Variants in SEMA3A observed in about 807,000 individuals in gnomAD.
The protein encoded by SEMA3A is semaphorin-3A.
Under a neutral mutation model 97.9 loss-of-function variants are expected in SEMA3A, and 29 were observed. The ratio of observed to expected loss-of-function variants is 0.30; its 90% CI spans 0.22 to 0.40. The LOEUF is 0.40. Ranked by LOEUF, SEMA3A falls within the 10% of genes least tolerant of loss-of-function variation. The pLI is 1.00. For missense variants in SEMA3A, 763 were observed against 951.3 expected (o/e 0.80, Z 2.60); for synonymous variants, 321 against 323.7 (o/e 0.99, Z 0.09).
chr7:84,487,200 A>G (rs1014838518), intron 1 of SEMA3A, among the ~76,000 whole-genome samples: 8 of 152,254 alleles, frequency 5.3e-5, no homozygotes, highest in African/African-American at 1.9e-4. Flanking sequence ...AAAAAATATT[A>G]GATTTTGGCT....
chr7:84,448,175 G>A (rs530888642), intron 1 of SEMA3A, among the ~76,000 whole-genome samples: 1 of 152,216 alleles, frequency 6.6e-6, no homozygotes, highest in African/African-American at 2.4e-5. Context: ...TTGGAGGAAG[G>A]AGCCCAGCAG....
chr7:84,484,044 CAAAAAAAAGAAAAA>C (rs934564408), intron 1 of SEMA3A, among the ~76,000 whole-genome samples: 2 of 125,422 alleles, frequency 1.6e-5, no homozygotes, highest in African/African-American at 5.8e-5. Flanking sequence ...AACTCTGTCT[CAAAAAAAAGAAAAA>C]AAAAAAAAGA....
chr7:84,462,878 C>G (rs1429537629), intron 1 of SEMA3A, among the ~76,000 whole-genome samples: 1 of 152,098 alleles, frequency 6.6e-6, no homozygotes, highest in Non-Finnish European at 1.5e-5. Context: ...CTCAAAATAC[C>G]TATGATGGAA....
Position 84,382,702 on chromosome 7 carries a change from CAAAAAAAAAAA to C in SEMA3A, c.-245-10813_-245-10803del, listed in dbSNP as rs377120252. ...TGAAACCCTGTCTCTACTAAAAATC[CAAAAAAAAAAA>C]AAAAAAAAAAAAAAAATAGCCAGGC... On this transcript the variant is annotated intron_variant, in intron 1 of 3. Coordinates refer to the SEMA3A transcript ENST00000424555. Among the ~76,000 whole-genome samples the C allele has an allele frequency of 1.2e-3, 97 of 82,060 alleles. 2 individuals carry two copies. Among genetic ancestry groups the C allele is most frequent in the African/African-American group, 4.2e-3 (92 of 21,688 alleles). The allele number at this position is 82,060 out of a possible 152,430, so 53.8% of individuals were successfully genotyped here.
chr7:84,291,461 A>G (rs1241995805), intron 3 of SEMA3A, among the ~76,000 whole-genome samples: 2 of 152,030 alleles, frequency 1.3e-5, no homozygotes, highest in African/African-American at 4.8e-5. Flanking sequence ...ATTTTACTGA[A>G]TTCCTTTTCC....
intron 1 of SEMA3A, among the ~76,000 whole-genome samples, chr7:84,398,285 T>C (rs1370913674): frequency 1.3e-5 from 2 of 152,190 alleles, no homozygotes; most frequent in Non-Finnish European, 2.9e-5. Flanking sequence ...TCTCAGAACC[T>C]ATATGAGGAG....
chr7:84,466,633 T>C (rs2116400082), intron 1 of SEMA3A, among the ~76,000 whole-genome samples: 1 of 152,336 alleles, frequency 6.6e-6, no homozygotes, highest in East Asian at 1.9e-4. Flanking sequence ...TATTAGCATA[T>C]AAATCTCCAT....
intron 1 of SEMA3A, among the ~76,000 whole-genome samples, chr7:84,463,535 A>G (rs897427980): frequency 6.6e-6 from 1 of 152,024 alleles, no homozygotes; most frequent in Non-Finnish European, 1.5e-5. Flanking sequence ...GGCGTGAGCC[A>G]CCGCGCCTGG....
Position 83,966,868 on chromosome 7 carries a change from C to T in SEMA3A, c.1718-3521G>A, listed in dbSNP as rs766293646. ...CTGGGATTACAGGCATGCGCCACCA[C>T]GCCCAGCTAATTTTGTATTTTTAGT... is the stretch of plus-strand genomic sequence containing the variant. On this transcript the variant is annotated intron_variant, in intron 15 of 16. Transcript: ENST00000265362. Among the ~76,000 whole-genome samples, 8 of 152,192 alleles carry T rather than the reference C, an allele frequency of 5.3e-5. No individual in the cohort carries two copies. In the South Asian group the frequency reaches 8.3e-4, roughly 16 times the overall value.
chr7:84,371,758 C>T (rs751079395), intron 2 of SEMA3A: 6 of 151,874 alleles, frequency 4.0e-5, no homozygotes, highest in Admixed American at 2.0e-4. Context: ...TTCGGTTCCA[C>T]TTAAAGTCAA....
At position 84,299,704 on chromosome 7, in the gene SEMA3A, G is replaced by A. The variant is rs1286289462; in HGVS notation, c.-83+7503C>T. 4.0e-5 allele frequency among the ~76,000 whole-genome samples: 6 copies of A among 151,730 alleles called. No individual in the cohort carries two copies. The East Asian group carries it at 7.7e-4, about 20-fold the overall frequency. ...GAACTTGGAGGAAATAATGAGGAAC[G>A]TGAAGACCATGTCAAATCCAAACTA... On this transcript the variant is annotated intron_variant, in intron 3 of 3. Transcript: ENST00000424555.
intron 1 of SEMA3A, among the ~76,000 whole-genome samples, chr7:84,171,349 G>C (rs998976660): frequency 6.6e-6 from 1 of 152,076 alleles, no homozygotes; most frequent in South Asian, 2.1e-4. Context: ...GGAGAGTGGA[G>C]AAAGATTTGC....
At chr7:84,460,746 G>C (rs1022652609) in intron 1 of SEMA3A, among the ~76,000 whole-genome samples, 13 of 152,128 alleles carry the variant, frequency 8.5e-5, no homozygotes, top group African/African-American at 3.1e-4. Flanking sequence ...GATACACAAA[G>C]CTTTATGGAT....
At chr7:84,007,996 A>G (rs1790733610) in intron 9 of SEMA3A, among the ~76,000 whole-genome samples, 1 of 152,212 alleles carries the variant, frequency 6.6e-6, no homozygotes, top group Non-Finnish European at 1.5e-5. Context: ...TCCCAAAAGT[A>G]TTAGATCAAG....
chr7:84,090,252 G>A (rs533831164), intron 4 of SEMA3A, among the ~76,000 whole-genome samples: 1 of 152,248 alleles, frequency 6.6e-6, no homozygotes, highest in African/African-American at 2.4e-5. Flanking sequence ...TACTAGGTAA[G>A]TGAGTTTTAA....
chr7:84,014,462 G>GAAAGA, intron 6 of SEMA3A, 111 bp from the exon 7 acceptor site: 1 of 804,778 alleles, frequency 1.2e-6, no homozygotes, highest in Non-Finnish European at 1.9e-6. Context: ...TTCAAGAAAC[G>GAAAGA]TATCTTTCGT....
At chr7:84,396,860 C>T (rs554720789) in intron 1 of SEMA3A, among the ~76,000 whole-genome samples, 4 of 151,912 alleles carry the variant, frequency 2.6e-5, no homozygotes, top group Admixed American at 1.3e-4. Context: ...GTATTTACTT[C>T]ATTAGGTTTA....
intron 6 of SEMA3A, among the ~76,000 whole-genome samples, chr7:84,043,791 G>T (rs796382185): frequency 2.0e-5 from 3 of 151,966 alleles, no homozygotes; most frequent in African/African-American, 7.2e-5. Context: ...CAGTTCTCAC[G>T]TTTAGTGCTG....
intron 4 of SEMA3A, among the ~76,000 whole-genome samples, chr7:84,094,628 C>T (rs557176449): frequency 1.6e-4 from 25 of 152,062 alleles, no homozygotes; most frequent in Admixed American, 1.5e-3. Flanking sequence ...TACTATGTTA[C>T]GTGATAGTGG....
Sources: gnomAD v4.1 joint callset for allele counts (sites outside exome capture counted in the v4.1 genomes callset) on GRCh38, gnomAD v4.1.1 for gene constraint, MANE v1.5 for transcripts, NCBI Gene and HGNC (gene_info 2026-07-23, HGNC 2026-07-21) for gene names.